VEPH1: variants seen among roughly 807,000 people sequenced by gnomAD.
The protein encoded by VEPH1 is ventricular zone-expressed PH domain-containing protein homolog 1.
VEPH1 carries 80 observed loss-of-function variants against 85.2 expected under a neutral mutation model. The ratio of observed to expected loss-of-function variants is 0.94; its 90% CI spans 0.78 to 1.13. VEPH1 has a LOEUF of 1.13. Ranked by LOEUF, VEPH1 falls within the 50% of genes most tolerant of loss-of-function variation. The pLI, the probability that VEPH1 is intolerant of heterozygous loss-of-function variation, is 0.00. For missense variants in VEPH1, 955 were observed against 980.5 expected, an observed-to-expected ratio of 0.97 and a Z score of 0.35; for synonymous variants, 297 against 348.0, an observed-to-expected ratio of 0.85 and a Z score of 1.63.
At chr3:157,479,401 T>G (rs748244080) in intron 2 of VEPH1, among the ~76,000 whole-genome samples, 101 of 152,184 alleles carry the variant, frequency 6.6e-4, no homozygotes, top group Non-Finnish European at 1.4e-3. Flanking sequence ...GGCTTGTTTA[T>G]CAGGATGGTT....
At chr3:157,277,832 A>G (rs1168822480) in intron 12 of VEPH1, among the ~76,000 whole-genome samples, 2 of 152,374 alleles carry the variant, frequency 1.3e-5, no homozygotes, top group East Asian at 3.9e-4. Flanking sequence ...GAGACTGCTT[A>G]TATAAAGAAT....
chr3:157,328,485 ACTACACAG>A (rs1375138437), intron 9 of VEPH1, among the ~76,000 whole-genome samples: 1 of 152,208 alleles, frequency 6.6e-6, no homozygotes, highest in African/African-American at 2.4e-5. Context: ...AAATGAACTT[ACTACACAG>A]CTAATAATGA....
chr3:157,413,401 G>T, intron 6 of VEPH1: 2 of 895,936 alleles, frequency 2.2e-6, no homozygotes, highest in Non-Finnish European at 1.3e-6. Flanking sequence ...TGACATGATA[G>T]CTATGGGCTC....
At chr3:157,378,306 G>A (rs895758087) in intron 7 of VEPH1, among the ~76,000 whole-genome samples, 3 of 94,630 alleles carry the variant, frequency 3.2e-5, no homozygotes, top group Admixed American at 1.1e-4. Flanking sequence ...TTTTTGAATG[G>A]TATATATATA....
intron 6 of VEPH1, chr3:157,413,515 T>C (rs1033962407): frequency 1.0e-6 from 1 of 985,410 alleles, no homozygotes; most frequent in African/African-American, 1.7e-5. Context: ...TTATTGGTTG[T>C]TGTTACTGCA....
intron 2 of VEPH1, among the ~76,000 whole-genome samples, chr3:157,470,838 A>G (rs887282008): frequency 6.6e-6 from 1 of 152,196 alleles, no homozygotes. Flanking sequence ...TCAGTTTCTA[A>G]GTCCATTACA....
chr3:157,405,103 CG>C (rs1410572390), intron 6 of VEPH1, among the ~76,000 whole-genome samples: 7 of 152,060 alleles, frequency 4.6e-5, no homozygotes, highest in Non-Finnish European at 8.8e-5. Flanking sequence ...ATCAAGTCTG[CG>C]GGGACCAGGC....
intron 5 of VEPH1, among the ~76,000 whole-genome samples, chr3:157,426,384 GGA>G (rs1732757523): frequency 1.3e-5 from 2 of 152,174 alleles, no homozygotes; most frequent in South Asian, 4.1e-4. Flanking sequence ...GCACCTATTT[GGA>G]GATGACAGGG....
rs2109805337 is a variant in VEPH1, at chr3:157,503,304, G to A, written c.-185C>T. The A allele has an allele frequency of 6.6e-6, 1 of 152,344 alleles. No individual in the cohort carries two copies. Among genetic ancestry groups the A allele is most frequent in the Admixed American group, 6.5e-5 (1 of 15,300 alleles). 9.4% of individuals were successfully genotyped at this position (152,344 alleles called of 1,614,324 possible). On this transcript the variant is annotated 5_prime_UTR_variant, in exon 1 of 14. Coordinates refer to ENST00000362010, the MANE Select transcript of VEPH1 (RefSeq NM_001167912.2). ...CTTTGCACAGGAATCTCTGGTCATA[G>A]AAAATAGAAGGCAAAATCCTTGATC...
At chr3:157,349,900 C>T (rs1724673853) in intron 9 of VEPH1, among the ~76,000 whole-genome samples, 1 of 151,986 alleles carries the variant, frequency 6.6e-6, no homozygotes, top group Non-Finnish European at 1.5e-5. Flanking sequence ...GAAAGACATC[C>T]CATGCTCATC....
chr3:157,347,943 G>A (rs1379828561), intron 9 of VEPH1, among the ~76,000 whole-genome samples: 1 of 152,226 alleles, frequency 6.6e-6, no homozygotes, highest in Non-Finnish European at 1.5e-5. Flanking sequence ...TGGGCGCCAC[G>A]TTGAGACCAG....
intron 11 of VEPH1, among the ~76,000 whole-genome samples, chr3:157,303,003 T>C (rs990849691): frequency 1.5e-4 from 23 of 152,224 alleles, no homozygotes; most frequent in Non-Finnish European, 2.9e-5. Flanking sequence ...AAATAACAAG[T>C]ATGTAAAATA....
Position 157,382,777 on chromosome 3 carries a change from A to C in VEPH1, c.907-1401T>G, listed in dbSNP as rs559188750. 2.4e-4 allele frequency among the ~76,000 whole-genome samples: 36 copies of C among 152,018 alleles called. No individual in the cohort carries two copies. The South Asian group carries it at 6.7e-3, about 28-fold the overall frequency. On this transcript the variant is annotated intron_variant, in intron 6 of 13. Coordinates refer to ENST00000362010, the MANE Select transcript of VEPH1 (RefSeq NM_001167912.2). ...CTCTTCCATGCAGCTGTCTCCAGTGACTCCTGTGTAAATTTTTACTGCATT... is the reference window on the plus strand; with the variant it reads ...CTCTTCCATGCAGCTGTCTCCAGTGCCTCCTGTGTAAATTTTTACTGCATT...
chr3:157,397,914 A>T (rs1161164365), intron 6 of VEPH1, among the ~76,000 whole-genome samples: 1 of 152,110 alleles, frequency 6.6e-6, no homozygotes, highest in Non-Finnish European at 1.5e-5. Flanking sequence ...ACTGTCCTTC[A>T]GGCATGTCCC....
intron 9 of VEPH1, among the ~76,000 whole-genome samples, chr3:157,357,414 A>C (rs991325776): frequency 2.0e-5 from 3 of 152,208 alleles, no homozygotes; most frequent in Admixed American, 2.0e-4. Context: ...ATGAATATTC[A>C]TCTCATCTGT....
intron 11 of VEPH1, 66 bp downstream of exon 11, chr3:157,313,555 A>T: frequency 2.0e-6 from 3 of 1,525,158 alleles, no homozygotes; most frequent in Non-Finnish European, 2.7e-6. Flanking sequence ...GCTAAAAAAA[A>T]GGGAAACTGT....
chr3:157,315,464 T>C (rs1028982209), intron 10 of VEPH1, among the ~76,000 whole-genome samples: 25 of 152,114 alleles, frequency 1.6e-4, no homozygotes, highest in Admixed American at 1.6e-3. Flanking sequence ...CAGGAGCATT[T>C]AGACTGGAAT....
At chr3:157,371,950 A>G (rs1577478052) in intron 7 of VEPH1, among the ~76,000 whole-genome samples, 1 of 152,328 alleles carries the variant, frequency 6.6e-6, no homozygotes, top group East Asian at 1.9e-4. Flanking sequence ...ACTGCCACCC[A>G]GATATAACAC....
At chr3:157,334,109 C>A (rs759274223) in intron 9 of VEPH1, among the ~76,000 whole-genome samples, 3 of 152,180 alleles carry the variant, frequency 2.0e-5, no homozygotes, top group Non-Finnish European at 4.4e-5. Flanking sequence ...CATTGACGCT[C>A]CTGTTAGAAG....
Sources: allele counts gnomAD v4.1 joint callset (sites outside exome capture counted in the v4.1 genomes callset), GRCh38; gene constraint gnomAD v4.1.1; transcripts MANE v1.5; gene names NCBI Gene and HGNC (gene_info 2026-07-23, HGNC 2026-07-21).